The following MPRIP variants were observed in gnomAD, a reference collection of about 807,000 sequenced individuals.
The protein encoded by MPRIP is myosin phosphatase Rho interacting protein.
MPRIP carries 59 observed loss-of-function variants against 234.9 expected under a neutral mutation model. The ratio of observed to expected loss-of-function variants is 0.25; its 90% CI spans 0.20 to 0.31. The LOEUF (loss-of-function observed/expected upper bound fraction) is 0.31, where lower values mean the gene tolerates loss of function less well. Ranked by LOEUF, MPRIP falls within the 10% of genes least tolerant of loss-of-function variation. The pLI, the probability that MPRIP is intolerant of heterozygous loss-of-function variation, is 1.00. For synonymous variants in MPRIP, 1,144 were observed against 1,263.9 expected (o/e 0.91, Z 2.01); for missense variants, 2,436 against 3,071.0 (o/e 0.79, Z 4.89).
chr17:17,045,457 G>A (rs902857288), intron 1 of MPRIP, among the ~76,000 whole-genome samples: 3 of 152,200 alleles, frequency 2.0e-5, no homozygotes, highest in African/African-American at 7.2e-5. Context: ...CCGGTGAGAA[G>A]ATTGAAACCC....
rs992613687 is a variant in MPRIP, at chr17:17,165,283, G to A, written c.3692G>A (p.Arg1231Gln). The A allele has an allele frequency of 1.1e-5, 14 of 1,303,968 alleles. No homozygotes were observed. Among genetic ancestry groups the A allele is most frequent in the Middle Eastern group, 4.2e-4 (2 of 4,720 alleles). The allele number at this position is 1,303,968 out of a possible 1,614,324, so 80.8% of individuals were successfully genotyped here. A position where few individuals can be genotyped will look rare whatever the true frequency, so the allele number is the denominator to read the frequency against. ...SESPKDMEEP[R>Q]STPEETERDG... is the part of the protein sequence containing the mutation. ...TCTCCAAAGGACATGGAAGAGCCAC[G>A]GAGTACCCCTGAAGAGACAGAAAGG... Residue 1231 changes from arginine to glutamine, a missense_variant, in exon 16 of 24, where the codon CGG becomes CAG. Transcript: ENST00000651222.
At chr17:17,055,175 G>C (rs1244971610) in intron 1 of MPRIP, among the ~76,000 whole-genome samples, 1 of 152,112 alleles carries the variant, frequency 6.6e-6, no homozygotes, top group Non-Finnish European at 1.5e-5. Flanking sequence ...AGTCATGCAG[G>C]TCCCATGAAG....
intron 7 of MPRIP, among the ~76,000 whole-genome samples, chr17:17,139,128 C>T (rs1364254767): frequency 1.3e-5 from 2 of 152,238 alleles, no homozygotes; most frequent in Non-Finnish European, 2.9e-5. Flanking sequence ...TGACTGCTGC[C>T]GAAGAAGATG....
intron 5 of MPRIP, among the ~76,000 whole-genome samples, 172 bp from the exon 6 acceptor site, chr17:17,136,047 T>G (rs927765491): frequency 6.6e-6 from 1 of 152,332 alleles, no homozygotes; most frequent in South Asian, 2.1e-4. Context: ...AATGACAGAC[T>G]CCAAAGCAAC....
intron 10 of MPRIP, among the ~76,000 whole-genome samples, chr17:17,146,313 G>T (rs1024224899): frequency 6.6e-6 from 1 of 152,234 alleles, no homozygotes; most frequent in African/African-American, 2.4e-5. Flanking sequence ...AGGGGCACTC[G>T]GTAGGCCTGT....
At chr17:17,156,282 G>C (rs1468799088) in intron 13 of MPRIP, among the ~76,000 whole-genome samples, 1 of 152,280 alleles carries the variant, frequency 6.6e-6, no homozygotes, top group African/African-American at 2.4e-5. Flanking sequence ...TATGGGCCCA[G>C]GGGAATGAAT....
At chr17:17,147,828 G>A (rs570269658) in intron 11 of MPRIP, among the ~76,000 whole-genome samples, 16 of 152,348 alleles carry the variant, frequency 1.1e-4, no homozygotes, top group African/African-American at 3.6e-4. Flanking sequence ...ACAAGGACAG[G>A]ATAGGATAGA....
At position 17,171,868 on chromosome 17, in the gene MPRIP, T is replaced by G. The variant is rs1300742428; in HGVS notation, c.6472+3T>G. Reference sequence around the variant, plus strand: ...GGAGACAGCGGCCACCATCTCAGGTTGGGGGGTGGGGTAACCCTGAGGGCA... The same window carrying G: ...GGAGACAGCGGCCACCATCTCAGGTGGGGGGGTGGGGTAACCCTGAGGGCA... On this transcript the variant is annotated splice_donor_region_variant and intron_variant, in intron 17 of 23. Transcript: ENST00000651222. 1 of 1,535,278 alleles carries G rather than the reference T, an allele frequency of 6.5e-7. No homozygotes were observed.
chr17:17,180,350 G>A (rs1271616311), intron 23 of MPRIP, among the ~76,000 whole-genome samples: 1 of 152,240 alleles, frequency 6.6e-6, no homozygotes, highest in African/African-American at 2.4e-5. Flanking sequence ...CTGCCTCGAG[G>A]CCAGGTTTCA....
chr17:17,076,032 C>A, intron 2 of MPRIP: 1 of 478,872 alleles, frequency 2.1e-6, no homozygotes. Context: ...TTTTGTGGGT[C>A]AGGTTGACTC....
chr17:17,156,239 C>T (rs1400759758), intron 13 of MPRIP, among the ~76,000 whole-genome samples: 3 of 152,220 alleles, frequency 2.0e-5, no homozygotes, highest in African/African-American at 4.8e-5. Flanking sequence ...GGCGCCTCCA[C>T]GCTTGAGTGC....
chr17:17,102,553 C>T (rs1465338278), intron 3 of MPRIP, among the ~76,000 whole-genome samples: 4 of 152,248 alleles, frequency 2.6e-5, no homozygotes, highest in African/African-American at 9.6e-5. Context: ...CTTGGCTAAG[C>T]CACTTTCTCA....
chr17:17,088,302 T>C (rs926573898), intron 3 of MPRIP, among the ~76,000 whole-genome samples: 1 of 152,222 alleles, frequency 6.6e-6, no homozygotes, highest in Non-Finnish European at 1.5e-5. Context: ...TGGGTGGACT[T>C]CTCTGCAGCA....
intron 15 of MPRIP, among the ~76,000 whole-genome samples, 165 bp from the exon 16 acceptor site, chr17:17,163,941 AAAG>A (rs2045925883): frequency 6.6e-6 from 1 of 151,984 alleles, no homozygotes; most frequent in South Asian, 2.1e-4. Flanking sequence ...AAAAAAAAAA[AAAG>A]AAAATTTGTT....
chr17:17,115,643 C>T (rs939903472), intron 3 of MPRIP, among the ~76,000 whole-genome samples: 10 of 152,236 alleles, frequency 6.6e-5, no homozygotes, highest in African/African-American at 1.4e-4. Context: ...TTTTCATCAA[C>T]CCCCAAACAA....
Position 17,185,074 on chromosome 17 carries a change from T to G in MPRIP, c.*180T>G. On this transcript the variant is annotated 3_prime_UTR_variant, in exon 24 of 24. Coordinates refer to ENST00000651222, the MANE Select transcript of MPRIP (RefSeq NM_001364716.4). ...CTGGGTTGTCCACACCACTCTCTGC[T>G]GTGTTGACTTCCTGTTGTCTTCATC... 4.0e-6 allele frequency: 2 copies of G among 495,020 alleles called. No individual in the cohort carries two copies. Among genetic ancestry groups the G allele is most frequent in the South Asian group, 4.4e-5 (2 of 45,976 alleles). 30.7% of individuals were successfully genotyped at this position (495,020 alleles called of 1,614,324 possible).
At position 17,136,359 on chromosome 17, in the gene MPRIP, T is replaced by G. The variant is rs2090697934; in HGVS notation, c.645T>G (p.Asp215Glu). The G allele has an allele frequency of 1.9e-6, 3 of 1,611,586 alleles. No individual in the cohort carries two copies. Among genetic ancestry groups the G allele is most frequent in the Non-Finnish European group, 1.7e-6 (2 of 1,178,862 alleles). Reference protein sequence around the residue: ...QEEMRTKDQPDGSSLSPAQSP... With the variant: ...QEEMRTKDQPEGSSLSPAQSP... ...AAATGAGGACCAAGGACCAGCCAGA[T>G]GGCAGCAGCCTGAGTCCAGCTCAGA... Residue 215 changes from aspartate to glutamate, a missense_variant, in exon 6 of 24, where the codon GAT becomes GAG. Around this residue, in one of 4 missense-constraint regions of MPRIP, gnomAD observed 31 missense variants for 90.7 expected, o/e 0.34. Coordinates refer to ENST00000651222, the MANE Select transcript of MPRIP (RefSeq NM_001364716.4).
At chr17:17,062,755 G>A (rs775542051) in intron 1 of MPRIP, among the ~76,000 whole-genome samples, 3 of 152,244 alleles carry the variant, frequency 2.0e-5, no homozygotes, top group African/African-American at 4.8e-5. Flanking sequence ...AGTCACTCTC[G>A]AAACTGTTTC....
Position 17,164,307 on chromosome 17 carries a change from C to T in MPRIP, c.2716C>T (p.Leu906Phe), listed in dbSNP as rs2045934352. 7.7e-7 allele frequency: 1 copy of T among 1,304,030 alleles called. No individual in the cohort carries two copies. The highest frequency in any genetic ancestry group is 1.0e-6 in the Non-Finnish European group (1 of 988,960). 80.8% of individuals were successfully genotyped at this position (1,304,030 alleles called of 1,614,324 possible). A position where few individuals can be genotyped will look rare whatever the true frequency, so the allele number is the denominator to read the frequency against. Residue 906 changes from leucine (L) to phenylalanine (F), a missense_variant, in exon 16 of 24, where the codon CTC becomes TTC. Leu to Phe is a conservative substitution (Grantham distance 22, BLOSUM62 0). Transcript: ENST00000651222. ...EAEIRSLQAR[L>F]SNAAAELAIK... Reference sequence around the variant, plus strand: ...TGAGATCCGGAGCCTTCAGGCACGGCTCAGCAATGCGGCCGCTGAGCTAGC... The same window carrying T: ...TGAGATCCGGAGCCTTCAGGCACGGTTCAGCAATGCGGCCGCTGAGCTAGC...
Sources: allele counts gnomAD v4.1 joint callset (sites outside exome capture counted in the v4.1 genomes callset), GRCh38; gene constraint gnomAD v4.1.1; regional missense constraint gnomAD v4.1.1; transcripts MANE v1.5; gene names NCBI Gene and HGNC (gene_info 2026-07-23, HGNC 2026-07-21).